The following SVEP1 variants were observed in gnomAD, a reference collection of about 807,000 sequenced individuals.
The protein encoded by SVEP1 is sushi, von Willebrand factor type A, EGF and pentraxin domain containing 1, also known as sushi, von Willebrand factor type A, EGF and pentraxin domain-containing protein 1.
A neutral mutation model predicts 367.3 loss-of-function variants in SVEP1; 164 were observed. That is an observed-to-expected ratio of 0.45 (90% CI 0.39 to 0.51). The LOEUF (loss-of-function observed/expected upper bound fraction) is 0.51, where lower values mean the gene tolerates loss of function less well. Among genes scored for constraint, SVEP1 ranks in the 20% least tolerant of loss-of-function variants. The probability of loss-of-function intolerance (pLI) is 0.00; values close to 1 mark genes in which losing one functional copy is unlikely to be tolerated. For synonymous variants in SVEP1, 1,666 were observed against 1,611.6 expected (o/e 1.03, Z -0.81); for missense variants, 4,117 against 4,425.3 (o/e 0.93, Z 1.98).
chr9:110,371,674 C>G (rs912259134), intron 46 of SVEP1, among the ~76,000 whole-genome samples: 8 of 152,162 alleles, frequency 5.3e-5, no homozygotes, highest in African/African-American at 1.9e-4. Flanking sequence ...AATGGCAACA[C>G]CTTCCACTCC....
intron 40 of SVEP1, among the ~76,000 whole-genome samples, chr9:110,399,650 C>T (rs980998765): frequency 6.6e-6 from 1 of 151,556 alleles, no homozygotes; most frequent in African/African-American, 2.4e-5. Flanking sequence ...CCTCCTCCCT[C>T]AGCCTCCTGA....
chr9:110,428,120 T>C (rs1012442243), intron 35 of SVEP1, among the ~76,000 whole-genome samples: 4 of 152,124 alleles, frequency 2.6e-5, no homozygotes, highest in African/African-American at 9.7e-5. Flanking sequence ...GACACTCACC[T>C]AAGTAGCCAG....
chr9:110,575,483 C>T (rs967675385), intron 1 of SVEP1, among the ~76,000 whole-genome samples: 4 of 152,062 alleles, frequency 2.6e-5, no homozygotes, highest in Non-Finnish European at 5.9e-5. Flanking sequence ...GTATTTAGAG[C>T]GGAGACCAGG....
chr9:110,465,778 T>C (rs1421271780), intron 18 of SVEP1, 87 bp downstream of exon 18: 1 of 1,445,458 alleles, frequency 6.9e-7, no homozygotes. Context: ...ATAGAGTAGA[T>C]GTATGTTTTT....
chr9:110,513,536 T>C (rs12237760), intron 4 of SVEP1, among the ~76,000 whole-genome samples: 18,740 of 152,210 alleles, frequency 0.12, 1,563 homozygotes, highest in East Asian at 0.24. Flanking sequence ...TAAATATTTG[T>C]AATTTTTGAC....
chr9:110,415,838 G>A (rs564593092), intron 36 of SVEP1, among the ~76,000 whole-genome samples: 2 of 152,126 alleles, frequency 1.3e-5, no homozygotes, highest in South Asian at 2.1e-4. Flanking sequence ...ACTTGTGAAT[G>A]GATGCTATGG....
At chr9:110,387,910 C>CCGATATTGCATATTTAT (rs547143160) in intron 41 of SVEP1, among the ~76,000 whole-genome samples, 58 of 152,234 alleles carry the variant, frequency 3.8e-4, no homozygotes, top group African/African-American at 1.3e-3. Flanking sequence ...AAGCGTGTCT[C>CCGATATTGCATATTTAT]CGATATTGCA....
chr9:110,512,984 G>T lies in SVEP1; in HGVS notation c.1245C>A (p.Ser415Arg). 6.2e-7 allele frequency: 1 copy of T among 1,614,002 alleles called. No individual in the cohort carries two copies. The highest frequency in any genetic ancestry group is 8.5e-7 in the Non-Finnish European group (1 of 1,179,882). The change falls in exon 5 of 48, where the codon AGC (serine) becomes AGA (arginine). Residue 415 changes from serine (S) to arginine (R), a missense_variant. By Grantham distance (110) the Ser-to-Arg change is moderately radical (BLOSUM62 -1). This residue lies in a region of SVEP1 where 2,174 missense variants were observed against 2,494.3 expected (regional missense o/e 0.87). Transcript: ENST00000374469. Reference protein sequence around the residue: ...RCHPGFDLVGSSIILCLPNGL... With the variant: ...RCHPGFDLVGRSIILCLPNGL... ...CATTGGGTAGACATAAGATGATGCT[G>T]CTTCCCACAAGATCAAATCCAGGGT...
At chr9:110,470,855 TGC>T (rs1465849922) in intron 16 of SVEP1, among the ~76,000 whole-genome samples, 2 of 152,012 alleles carry the variant, frequency 1.3e-5, no homozygotes, top group East Asian at 3.9e-4. Context: ...TGTATACATG[TGC>T]CATGTTGGTG....
chr9:110,465,529 C>T (rs546091254), intron 18 of SVEP1, among the ~76,000 whole-genome samples: 2 of 152,258 alleles, frequency 1.3e-5, no homozygotes, highest in Non-Finnish European at 2.9e-5. Context: ...CTAGACAGAA[C>T]TTCACTTTAT....
rs745621983 is a variant in SVEP1, at chr9:110,406,636, C to T, written c.8964G>A (p.Arg2988=). 1.2e-6 allele frequency: 2 copies of T among 1,613,946 alleles called. No homozygotes were observed. Among genetic ancestry groups the T allele is most frequent in the Admixed American group, 1.7e-5 (1 of 60,014 alleles). ...CACTCCAGGAGCCATTGGAGAGGCACCTTCTTGATGAATTTCCATGGAGCT... is the reference window on the plus strand; with the variant it reads ...CACTCCAGGAGCCATTGGAGAGGCATCTTCTTGATGAATTTCCATGGAGCT... ...GYKLHGNSSR[R]CLSNGSWSGS... The change falls in exon 38 of 48, where the codon AGG becomes AGA. Residue 2988 remains arginine, a synonymous_variant. Transcript: ENST00000374469.
chr9:110,443,653 G>A lies in SVEP1; in HGVS notation c.4531C>T (p.His1511Tyr), dbSNP rs777540732. The change falls in exon 27 of 48, where the codon CAT (histidine) becomes TAT (tyrosine). Residue 1511 changes from histidine (H) to tyrosine (Y), a missense_variant. Physicochemically the swap from His to Tyr is moderately conservative, Grantham distance 83 (BLOSUM62 2). Around this residue, in one of 4 missense-constraint regions of SVEP1, gnomAD observed 2,174 missense variants for 2,494.3 expected, o/e 0.87. Coordinates refer to ENST00000374469, the MANE Select transcript of SVEP1 (RefSeq NM_153366.4). ...CTTGTCCAAGTGATTGCAATATGAT[G>A]CCATCTGCCATCATTCACCGAGGGA... The part of the protein sequence containing the change: ...NCPSVNDGRW[H>Y]HIAITWTSAN... 1 of 1,612,536 alleles carries A rather than the reference G, an allele frequency of 6.2e-7. No homozygotes were observed. The highest frequency in any genetic ancestry group is 2.2e-5 in the East Asian group (1 of 44,810).
At chr9:110,384,411 C>G (rs1313968852) in intron 43 of SVEP1, among the ~76,000 whole-genome samples, 1 of 151,974 alleles carries the variant, frequency 6.6e-6, no homozygotes, top group Non-Finnish European at 1.5e-5. Context: ...GTGCAGGATT[C>G]ACTCACTGTT....
intron 9 of SVEP1, among the ~76,000 whole-genome samples, chr9:110,487,151 T>C (rs1017741737): frequency 1.3e-5 from 2 of 152,306 alleles, no homozygotes; most frequent in African/African-American, 2.4e-5. Flanking sequence ...AGATGGGGTT[T>C]CTTCACATTG....
At chr9:110,504,254 G>T (rs1244711007) in intron 5 of SVEP1, among the ~76,000 whole-genome samples, 1 of 151,744 alleles carries the variant, frequency 6.6e-6, no homozygotes, top group Non-Finnish European at 1.5e-5. Context: ...TAGAGATGGG[G>T]TTTAATTGTG....
At chr9:110,438,952 T>C (rs917201539) in intron 27 of SVEP1, among the ~76,000 whole-genome samples, 2 of 152,218 alleles carry the variant, frequency 1.3e-5, no homozygotes, top group Non-Finnish European at 2.9e-5. Flanking sequence ...AAACTCAGTA[T>C]GTCGAAAACC....
At chr9:110,465,716 TA>T in intron 18 of SVEP1, 148 bp downstream of exon 18, 1 of 1,074,044 alleles carries the variant, frequency 9.3e-7, no homozygotes, top group African/African-American at 1.6e-5. Context: ...GAAAAGAAAC[TA>T]AACAAACAAA....
chr9:110,503,445 A>C (rs1489400693), intron 5 of SVEP1, among the ~76,000 whole-genome samples: 1 of 152,186 alleles, frequency 6.6e-6, no homozygotes, highest in Non-Finnish European at 1.5e-5. Context: ...CCCTCTGCCC[A>C]TAGGTGGGAA....
At chr9:110,429,034 A>G in intron 35 of SVEP1, 109 bp downstream of exon 35, 1 of 939,852 alleles carries the variant, frequency 1.1e-6, no homozygotes, top group Non-Finnish European at 1.5e-6. Flanking sequence ...GCGCCACTGC[A>G]CTCTAGCCTG....
Sources: gnomAD v4.1 joint callset for allele counts (sites outside exome capture counted in the v4.1 genomes callset) on GRCh38, gnomAD v4.1.1 for gene constraint, gnomAD v4.1.1 regional missense constraint, MANE v1.5 for transcripts, NCBI Gene and HGNC (gene_info 2026-07-23, HGNC 2026-07-21) for gene names.